The following NPR3 variants were observed in gnomAD, a reference collection of about 807,000 sequenced individuals.
NPR3 encodes atrial natriuretic peptide receptor 3.
NPR3 carries 34 observed loss-of-function variants against 54.5 expected under a neutral mutation model. The ratio of observed to expected loss-of-function variants is 0.62; its 90% CI spans 0.47 to 0.83. NPR3 has a LOEUF of 0.83. Among genes scored for constraint, NPR3 ranks in the 40% least tolerant of loss-of-function variants. The probability of loss-of-function intolerance (pLI) is 0.00; values close to 1 mark genes in which losing one functional copy is unlikely to be tolerated. For synonymous variants in NPR3, 289 were observed against 297.1 expected, an observed-to-expected ratio of 0.97 and a Z score of 0.28; for missense variants, 674 against 720.8, an observed-to-expected ratio of 0.94 and a Z score of 0.74.
At chr5:32,704,359 C>T (rs1457084296) in intron 1 of NPR3, among the ~76,000 whole-genome samples, 2 of 135,978 alleles carry the variant, frequency 1.5e-5, no homozygotes, top group South Asian at 2.3e-4. Context: ...ATGAAGTGTT[C>T]TTTTGGCTCT....
chr5:32,700,419 T>C (rs769650291), intron 1 of NPR3, among the ~76,000 whole-genome samples: 6 of 152,200 alleles, frequency 3.9e-5, no homozygotes, highest in Admixed American at 1.3e-4. Context: ...CATTATACTT[T>C]GAGTTCTAGG....
In NPR3 at chr5:32,724,715, A is replaced by G; in HGVS notation, c.787A>G (p.Ser263Gly). 1.2e-6 allele frequency: 2 copies of G among 1,613,884 alleles called. No homozygotes were observed. Among genetic ancestry groups the G allele is most frequent in the South Asian group, 1.1e-5 (1 of 91,074 alleles). ...TCCCCTAGTGGTGATCATGTGTGCG[A>G]GCAGTGACACCATCCGGAGCATCAT... Reference protein sequence around the residue: ...ASERVVIMCASSDTIRSIMLV... With the variant: ...ASERVVIMCAGSDTIRSIMLV... The change falls in exon 2 of 8, where the codon AGC becomes GGC. Residue 263 changes from serine to glycine, a missense_variant. Transcript: ENST00000265074.
At chr5:32,718,864 G>T (rs1242755744) in intron 1 of NPR3, among the ~76,000 whole-genome samples, 3 of 152,066 alleles carry the variant, frequency 2.0e-5, no homozygotes, top group Admixed American at 2.0e-4. Context: ...TGATTGCCCT[G>T]GCCAGAACTT....
chr5:32,736,487 C>T (rs1030284848), intron 2 of NPR3, among the ~76,000 whole-genome samples: 3 of 152,198 alleles, frequency 2.0e-5, no homozygotes, highest in Non-Finnish European at 2.9e-5. Flanking sequence ...GAGAAACTCA[C>T]ACCCTCTTTG....
At chr5:32,743,188 C>G (rs1338498524) in intron 3 of NPR3, among the ~76,000 whole-genome samples, 1 of 152,198 alleles carries the variant, frequency 6.6e-6, no homozygotes, top group Non-Finnish European at 1.5e-5. Context: ...CTTGCCCTCT[C>G]TCTTTTTAAT....
In NPR3 at chr5:32,789,352, G is replaced by T. The variant is rs759953202; in HGVS notation, c.*3007G>T. ...TCCCCAGATAACTTCAATCTGGAAA[G>T]AATTTTTTGTATAGAGTCCATCTCT... On this transcript the variant is annotated 3_prime_UTR_variant, in exon 8 of 8. Transcript: ENST00000265074. 2 of 444,550 alleles carry T rather than the reference G, an allele frequency of 4.5e-6. No homozygotes were observed. Among genetic ancestry groups the T allele is most frequent in the South Asian group, 1.8e-5 (1 of 54,328 alleles). The allele number at this position is 444,550 out of a possible 1,614,324, so 27.5% of individuals were successfully genotyped here. A position where few individuals can be genotyped will look rare whatever the true frequency, so the allele number is the denominator to read the frequency against.
chr5:32,695,351 G>A (rs1455489523), intron 1 of NPR3, among the ~76,000 whole-genome samples: 2 of 152,100 alleles, frequency 1.3e-5, no homozygotes, highest in African/African-American at 4.8e-5. Context: ...TGCAAGCTCC[G>A]CCTGCTGGGT....
intron 1 of NPR3, among the ~76,000 whole-genome samples, chr5:32,717,418 G>T (rs960384201): frequency 6.6e-6 from 1 of 152,274 alleles, no homozygotes; most frequent in East Asian, 1.9e-4. Flanking sequence ...GATCCTTGAG[G>T]AATTGCCACA....
chr5:32,699,029 T>C (rs913885197), intron 1 of NPR3, among the ~76,000 whole-genome samples: 20 of 152,200 alleles, frequency 1.3e-4, no homozygotes, highest in African/African-American at 4.6e-4. Context: ...AGTTTTCTGG[T>C]TATTTTGTGG....
chr5:32,710,024 C>T (rs901238634), upstream of NPR3: 1 of 152,192 alleles, frequency 6.6e-6, no homozygotes, highest in African/African-American at 2.4e-5. Context: ...TGTCAGAATT[C>T]TCCCGCCCAG....
chr5:32,737,562 CT>C (rs1158112759), intron 2 of NPR3, among the ~76,000 whole-genome samples: 1 of 152,130 alleles, frequency 6.6e-6, no homozygotes, highest in African/African-American at 2.4e-5. Context: ...AAACAAATGA[CT>C]TTGGCACTGG....
At position 32,764,788 on chromosome 5, in the gene NPR3, CAAAAAAAAAAA is replaced by C. The variant is rs568944478; in HGVS notation, c.1060-9902_1060-9892del. 8.2e-5 allele frequency among the ~76,000 whole-genome samples: 3 copies of C among 36,494 alleles called. No homozygotes were observed. In the South Asian group the frequency reaches 3.9e-3, roughly 48 times the overall value. The allele number at this position is 36,494 out of a possible 152,430, so 23.9% of individuals were successfully genotyped here. A position where few individuals can be genotyped will look rare whatever the true frequency, so the allele number is the denominator to read the frequency against. ...GGGTGACAAGAGTGAGGGTCCATCTCAAAAAAAAAAAAAAAAAAAAAAAAAAAAGAATTTGT... is the reference window on the plus strand; with the variant it reads ...GGGTGACAAGAGTGAGGGTCCATCTCAAAAAAAAAAAAAAAAAGAATTTGT... On this transcript the variant is annotated intron_variant, in intron 3 of 7. Coordinates refer to ENST00000265074, the MANE Select transcript of NPR3 (RefSeq NM_001204375.2).
At chr5:32,774,668 C>T in intron 3 of NPR3, 40 bp from the exon 4 acceptor site, 1 of 1,545,102 alleles carries the variant, frequency 6.5e-7, no homozygotes, top group Non-Finnish European at 9.0e-7. Flanking sequence ...GCATGAGTCA[C>T]TTGGTGTTTT....
rs150782436 is a variant in NPR3 at position 32,765,264 on chromosome 5, T to A, written c.1060-9444T>A. Among the ~76,000 whole-genome samples, 684 of 152,278 alleles carry A rather than the reference T, an allele frequency of 4.5e-3. 6 individuals carry two copies. The highest frequency in any genetic ancestry group is 0.016 in the African/African-American group (649 of 41,546). ...CAAGACATGGTCAAGAGCAAAGAAG[T>A]ATGTGACAAAGGCCTCTGAGCAGCT... On this transcript the variant is annotated intron_variant, in intron 3 of 7. Transcript: ENST00000265074.
chr5:32,741,325 G>C (rs1228731241), intron 3 of NPR3, among the ~76,000 whole-genome samples: 1 of 152,168 alleles, frequency 6.6e-6, no homozygotes, highest in Non-Finnish European at 1.5e-5. Flanking sequence ...AGCTGAGGTA[G>C]GAGGATCACC....
intron 3 of NPR3, among the ~76,000 whole-genome samples, chr5:32,758,568 G>T (rs1426631116): frequency 6.9e-6 from 1 of 145,636 alleles, no homozygotes; most frequent in Non-Finnish European, 1.5e-5. Context: ...TGGATGCATT[G>T]ATTTTTTTGA....
upstream of NPR3, chr5:32,709,734 T>C (rs1192334873): frequency 3.3e-5 from 5 of 151,444 alleles, no homozygotes; most frequent in African/African-American, 1.2e-4. Context: ...ATAAGGAGAG[T>C]GCTGTTAAGG....
At position 32,700,381 on chromosome 5, in the gene NPR3, T is replaced by A. The variant is rs189336754; in HGVS notation, c.100+11195T>A. On this transcript the variant is annotated intron_variant, in intron 1 of 5. Coordinates refer to the NPR3 transcript ENST00000509104. Reference sequence around the variant, plus strand: ...TAGATTTGGTAGATGTGCTTCATTGTTTTTTTAAATTCTTTTTTCTTTTTT... The same window carrying A: ...TAGATTTGGTAGATGTGCTTCATTGATTTTTTAAATTCTTTTTTCTTTTTT... 4.6e-3 allele frequency among the ~76,000 whole-genome samples: 699 copies of A among 152,286 alleles called. 6 individuals are homozygous for A. Among genetic ancestry groups the A allele is most frequent in the African/African-American group, 0.016 (669 of 41,558 alleles).
intron 2 of NPR3, among the ~76,000 whole-genome samples, chr5:32,737,936 T>A (rs1057145731): frequency 6.6e-5 from 10 of 151,104 alleles, no homozygotes; most frequent in African/African-American, 2.2e-4. Context: ...TTATTATTAT[T>A]ATAATATATG....
Sources: gnomAD v4.1 joint callset for allele counts (sites outside exome capture counted in the v4.1 genomes callset) on GRCh38, gnomAD v4.1.1 for gene constraint, MANE v1.5 for transcripts, NCBI Gene and HGNC (gene_info 2026-07-23, HGNC 2026-07-21) for gene names.